ARK2N: variants seen among roughly 807,000 people sequenced by gnomAD.
ARK2N encodes the protein arkadia (RNF111) N-terminal like PKA signaling regulator 2N.
the ARK2N span, among the ~76,000 whole-genome samples, chr18:46,185,758 G>T: frequency 3.3e-5 from 5 of 152,134 alleles, no homozygotes; most frequent in African/African-American, 1.2e-4. Context: ...AGGCCTAGGC[G>T]GGCAGATCAC....
the ARK2N span, among the ~76,000 whole-genome samples, chr18:46,227,634 G>A: frequency 1.5e-4 from 22 of 151,434 alleles, no homozygotes; most frequent in Admixed American, 3.3e-4. Context: ...TTTTGCTCTC[G>A]TTGCCCAGGC....
chr18:46,259,531 C>G, the ARK2N span, among the ~76,000 whole-genome samples: 5 of 151,846 alleles, frequency 3.3e-5, no homozygotes, highest in Admixed American at 6.6e-5. Context: ...CGTGAGCCAC[C>G]GCGCCCAGCC....
chr18:46,211,239 T>TG, the ARK2N span, among the ~76,000 whole-genome samples: 2 of 152,182 alleles, frequency 1.3e-5, no homozygotes, highest in Non-Finnish European at 2.9e-5. Context: ...GACAGGGTCT[T>TG]GCTCTGTTAT....
the ARK2N span, among the ~76,000 whole-genome samples, chr18:46,192,623 G>A: frequency 1.3e-4 from 19 of 151,278 alleles, no homozygotes; most frequent in African/African-American, 3.6e-4. Context: ...CCACGCCGGA[G>A]TGATGTGATC....
chr18:46,177,962 T>C, the ARK2N span, among the ~76,000 whole-genome samples: 1 of 152,348 alleles, frequency 6.6e-6, no homozygotes, highest in South Asian at 2.1e-4. Context: ...ATTGAGTGTT[T>C]ACTGTGTGCC....
chr18:46,261,250 A>T, the ARK2N span, among the ~76,000 whole-genome samples: 1 of 152,248 alleles, frequency 6.6e-6, no homozygotes, highest in South Asian at 2.1e-4. Context: ...GTAAAGCAAC[A>T]ACATGATATG....
chr18:46,223,027 C>T, the ARK2N span, among the ~76,000 whole-genome samples: 1 of 152,178 alleles, frequency 6.6e-6, no homozygotes, highest in Non-Finnish European at 1.5e-5. Flanking sequence ...TATGAGGCTA[C>T]AACTTATCTC....
chr18:46,198,944 A>G, the ARK2N span, among the ~76,000 whole-genome samples: 1 of 152,162 alleles, frequency 6.6e-6, no homozygotes. Context: ...TAATATAGAA[A>G]AGAGTTCCTC....
chr18:46,263,954 C>G, the ARK2N span: 2 of 152,294 alleles, frequency 1.3e-5, no homozygotes, highest in Non-Finnish European at 2.9e-5. Context: ...AACATAGAAA[C>G]CTGTTGGGAA....
At chr18:46,201,862 C>T in the ARK2N span, among the ~76,000 whole-genome samples, 30 of 151,328 alleles carry the variant, frequency 2.0e-4, no homozygotes. Context: ...ACTGCAACCT[C>T]TGCCTCCTGG....
At chr18:46,188,272 C>G in the ARK2N span, among the ~76,000 whole-genome samples, 9 of 152,276 alleles carry the variant, frequency 5.9e-5, no homozygotes, top group Admixed American at 2.0e-4. Context: ...ACGATCTTGG[C>G]TCACTGCAAC....
At chr18:46,221,230 T>C in the ARK2N span, among the ~76,000 whole-genome samples, 1 of 151,830 alleles carries the variant, frequency 6.6e-6, no homozygotes, top group African/African-American at 2.4e-5. Context: ...TAATTTTTTT[T>C]AAAAGCTTGC....
chr18:46,182,719 C>CT, the ARK2N span, among the ~76,000 whole-genome samples: 3 of 48,124 alleles, frequency 6.2e-5, no homozygotes, highest in Admixed American at 8.8e-4. Context: ...TTGATAACTT[C>CT]TTTGGCTTCT....
At chr18:46,202,893 A>G in the ARK2N span, among the ~76,000 whole-genome samples, 6 of 152,118 alleles carry the variant, frequency 3.9e-5, no homozygotes, top group Admixed American at 1.3e-4. Flanking sequence ...TATGTAGATC[A>G]TGTATCTTCT....
the ARK2N span, among the ~76,000 whole-genome samples, chr18:46,256,509 A>G: frequency 6.6e-6 from 1 of 152,176 alleles, no homozygotes; most frequent in East Asian, 1.9e-4. Flanking sequence ...CCCCACCCCT[A>G]ACACACACAA....
chr18:46,201,975 G>A, the ARK2N span, among the ~76,000 whole-genome samples: 1 of 151,674 alleles, frequency 6.6e-6, no homozygotes, highest in African/African-American at 2.4e-5. Context: ...ATGGGGTTTC[G>A]CCATGTTGGC....
the ARK2N span, among the ~76,000 whole-genome samples, chr18:46,189,567 A>T: frequency 6.6e-6 from 1 of 152,184 alleles, no homozygotes; most frequent in Non-Finnish European, 1.5e-5. Context: ...TTGGTACTGC[A>T]GGCACATGCT....
chr18:46,193,167 A>C, the ARK2N span, among the ~76,000 whole-genome samples: 2 of 152,126 alleles, frequency 1.3e-5, no homozygotes, highest in African/African-American at 4.8e-5. Flanking sequence ...ACTCTGTCTC[A>C]AAACAAACAA....
chr18:46,226,107 G>A, the ARK2N span, among the ~76,000 whole-genome samples: 3 of 152,198 alleles, frequency 2.0e-5, no homozygotes, highest in Middle Eastern at 3.4e-3. Flanking sequence ...GAACATTTTT[G>A]TGTCATTATT....
Sources: allele counts gnomAD v4.1 joint callset (sites outside exome capture counted in the v4.1 genomes callset), GRCh38; gene constraint gnomAD v4.1.1; transcripts MANE v1.5; gene names NCBI Gene and HGNC (gene_info 2026-07-23, HGNC 2026-07-21).